Variants in TMEM120B observed in about 807,000 individuals in gnomAD.
The protein encoded by TMEM120B is transmembrane protein 120B.
Under a neutral mutation model 55.5 loss-of-function variants are expected in TMEM120B, and 31 were observed. The ratio of observed to expected loss-of-function variants is 0.56; its 90% CI spans 0.42 to 0.75. The LOEUF (loss-of-function observed/expected upper bound fraction) is 0.75. Among genes scored for constraint, TMEM120B ranks in the 30% least tolerant of loss-of-function variants. TMEM120B has a pLI of 0.00. For missense variants in TMEM120B, 399 were observed against 425.5 expected (o/e 0.94, Z 0.55); for synonymous variants, 203 against 176.3 (o/e 1.15, Z -1.20).
In TMEM120B at chr12:121,776,821, G is replaced by A. The variant is rs1022078950; in HGVS notation, c.*1099G>A. 6.6e-6 allele frequency: 1 copy of A among 151,726 alleles called. No individual in the cohort carries two copies. Among genetic ancestry groups the A allele is most frequent in the African/African-American group, 2.4e-5 (1 of 41,276 alleles). 9.4% of individuals were successfully genotyped at this position (151,726 alleles called of 1,614,324 possible). The stretch of plus-strand genomic sequence containing the variant: ...AATTACTTTTTTTTTTTTTGAGACA[G>A]GGTCTGTTGCCTAGGCGGGAGTGCA... On this transcript the variant is annotated 3_prime_UTR_variant, in exon 12 of 12. Transcript: ENST00000449592.
intron 1 of TMEM120B, among the ~76,000 whole-genome samples, chr12:121,728,071 G>A (rs1566508063): frequency 6.6e-6 from 1 of 150,408 alleles, no homozygotes. Context: ...GCAGTGGTGT[G>A]ATCTCGGTTC....
intron 4 of TMEM120B, 104 bp downstream of exon 4, chr12:121,750,543 C>A (rs1389227454): frequency 2.4e-6 from 2 of 837,346 alleles, no homozygotes; most frequent in East Asian, 5.3e-5. Flanking sequence ...CACATCCACA[C>A]CCACACCAAC....
intron 6 of TMEM120B, among the ~76,000 whole-genome samples, chr12:121,770,621 G>A (rs577752304): frequency 3.3e-5 from 5 of 152,224 alleles, no homozygotes; most frequent in Non-Finnish European, 5.9e-5. Flanking sequence ...GGGAGGACAG[G>A]AGTGAGGCTT....
chr12:121,738,627 C>T (rs1038760895), intron 1 of TMEM120B, among the ~76,000 whole-genome samples: 1 of 152,208 alleles, frequency 6.6e-6, no homozygotes, highest in Non-Finnish European at 1.5e-5. Flanking sequence ...GATTAAAACA[C>T]AGCCTTTCTC....
At chr12:121,727,360 A>AC (rs1382126773) in intron 1 of TMEM120B, among the ~76,000 whole-genome samples, 3 of 150,252 alleles carry the variant, frequency 2.0e-5, no homozygotes, top group African/African-American at 7.4e-5. Context: ...GCATAATGAG[A>AC]CCCCGTCTCT....
At chr12:121,768,496 G>A (rs1193475436) in intron 6 of TMEM120B, among the ~76,000 whole-genome samples, 6 of 152,216 alleles carry the variant, frequency 3.9e-5, no homozygotes. Flanking sequence ...ATGTGCGTAT[G>A]CGAGACCCTG....
Position 121,770,937 on chromosome 12 carries a change from C to T in TMEM120B, c.582C>T (p.Tyr194=), listed in dbSNP as rs200861818. 4.5e-4 allele frequency: 724 copies of T among 1,613,996 alleles called. 3 individuals are homozygous for T. Among genetic ancestry groups the T allele is most frequent in the Non-Finnish European group, 5.4e-4 (637 of 1,180,010 alleles). The stretch of plus-strand genomic sequence containing the variant: ...AAGGCTGGTGGGTGTCTCACCACTA[C>T]GTCTCCACATTCCTGTCCGGAGTGA... ...RIKGWWVSHH[Y]VSTFLSGVML... Residue 194 remains tyrosine, a synonymous_variant, in exon 7 of 12, where the codon TAC becomes TAT. Transcript: ENST00000449592.
chr12:121,767,556 C>A (rs1310879656), intron 6 of TMEM120B, among the ~76,000 whole-genome samples: 1 of 152,214 alleles, frequency 6.6e-6, no homozygotes, highest in East Asian at 1.9e-4. Flanking sequence ...GGTTTTAAAA[C>A]AGATTCTGGT....
intron 6 of TMEM120B, among the ~76,000 whole-genome samples, chr12:121,769,264 A>G (rs571996753): frequency 4.6e-5 from 7 of 152,022 alleles, no homozygotes; most frequent in African/African-American, 1.7e-4. Flanking sequence ...GGGCTGGGCA[A>G]GGGCCTCCTG....
intron 1 of TMEM120B, among the ~76,000 whole-genome samples, chr12:121,737,868 G>A (rs979796016): frequency 3.3e-5 from 5 of 151,900 alleles, no homozygotes; most frequent in Admixed American, 3.3e-4. Context: ...AAATTAGTTG[G>A]ACATGGTGGT....
rs1214219737 is a variant in TMEM120B at position 121,752,188 on chromosome 12, G to C, written c.426G>C (p.Leu142=). 1 of 1,613,784 alleles carries C rather than the reference G, an allele frequency of 6.2e-7. No individual in the cohort carries two copies. Among genetic ancestry groups the C allele is most frequent in the Non-Finnish European group, 8.5e-7 (1 of 1,179,920 alleles). The stretch of plus-strand genomic sequence containing the variant: ...TCTACCTGACCATCATCCTGCTCCT[G>C]GGTGCCGTGGCATGTCGATTTGTCC... ...FKLYLTIILL[L]GAVACRFVLH... Residue 142 remains leucine, a synonymous_variant, in exon 5 of 12, where the codon CTG becomes CTC. Coordinates refer to ENST00000449592, the MANE Select transcript of TMEM120B (RefSeq NM_001080825.2).
intron 1 of TMEM120B, among the ~76,000 whole-genome samples, chr12:121,738,454 G>A (rs1025812713): frequency 6.6e-6 from 1 of 152,108 alleles, no homozygotes; most frequent in African/African-American, 2.4e-5. Flanking sequence ...GGAGGGGTGC[G>A]GGCCCCTTAT....
chr12:121,742,766 C>A (rs1480387283), intron 1 of TMEM120B, among the ~76,000 whole-genome samples: 1 of 151,902 alleles, frequency 6.6e-6, no homozygotes, highest in Non-Finnish European at 1.5e-5. Context: ...TTAGTAGAGA[C>A]GGGGTTTTGC....
intron 1 of TMEM120B, among the ~76,000 whole-genome samples, chr12:121,718,804 AGAGGGTTTATT>A (rs1234137822): frequency 6.6e-6 from 1 of 152,170 alleles, no homozygotes; most frequent in Non-Finnish European, 1.5e-5. Flanking sequence ...TTAAGCCAAA[AGAGGGTTTATT>A]GAGTCAAGTC....
intron 6 of TMEM120B, among the ~76,000 whole-genome samples, chr12:121,763,403 C>A (rs1018053965): frequency 3.3e-5 from 5 of 151,914 alleles, no homozygotes; most frequent in African/African-American, 1.2e-4. Flanking sequence ...ACCTCGTGAT[C>A]CGCCCACCTC....
intron 6 of TMEM120B, among the ~76,000 whole-genome samples, chr12:121,769,846 T>C (rs774929076): frequency 2.0e-4 from 30 of 151,442 alleles, no homozygotes; most frequent in African/African-American, 7.3e-4. Flanking sequence ...AGAGGTGACA[T>C]AGGGGTGGGA....
At chr12:121,726,699 GT>G in intron 1 of TMEM120B, among the ~76,000 whole-genome samples, 1 of 151,844 alleles carries the variant, frequency 6.6e-6, no homozygotes, top group Non-Finnish European at 1.5e-5. Context: ...GAGGTCAGGA[GT>G]TTGAGACCAA....
At chr12:121,738,957 T>C (rs1872835867) in intron 1 of TMEM120B, among the ~76,000 whole-genome samples, 1 of 150,530 alleles carries the variant, frequency 6.6e-6, no homozygotes, top group Non-Finnish European at 1.5e-5. Context: ...GAGGCCGAGG[T>C]GGGAGGATCA....
chr12:121,743,609 C>G lies in TMEM120B; in HGVS notation c.70-20C>G. The G allele has an allele frequency of 6.2e-7, 1 of 1,601,406 alleles. No homozygotes were observed. Among genetic ancestry groups the G allele is most frequent in the Non-Finnish European group, 8.5e-7 (1 of 1,169,826 alleles). Reference sequence around the variant, plus strand: ...TTCATATTCTCCCACACACCCTCCCCCGGGTCCCCTGTTCTTCAGGAGACG... The same window carrying G: ...TTCATATTCTCCCACACACCCTCCCGCGGGTCCCCTGTTCTTCAGGAGACG... On this transcript the variant is annotated intron_variant, in intron 1 of 11. Transcript: ENST00000449592.
Sources: gnomAD v4.1 joint callset for allele counts (sites outside exome capture counted in the v4.1 genomes callset) on GRCh38, gnomAD v4.1.1 for gene constraint, MANE v1.5 for transcripts, NCBI Gene and HGNC (gene_info 2026-07-23, HGNC 2026-07-21) for gene names.